The following DNAH1 variants were observed in gnomAD, a reference collection of about 807,000 sequenced individuals.
The protein encoded by DNAH1 is axonemal beta dynein heavy chain 1.
Under a neutral mutation model 484.3 loss-of-function variants are expected in DNAH1, and 327 were observed. The ratio of observed to expected loss-of-function variants is 0.68; its 90% confidence interval spans 0.62 to 0.74. The LOEUF (loss-of-function observed/expected upper bound fraction) is 0.74, where lower values mean the gene tolerates loss of function less well. DNAH1 is among the 30% of genes least tolerant of loss of function. The pLI, the probability that DNAH1 is intolerant of heterozygous loss-of-function variation, is 0.00. For synonymous variants in DNAH1, 2,192 were observed against 2,191.9 expected, an observed-to-expected ratio of 1.00 and a Z score of 0.00; for missense variants, 5,052 against 5,546.8, an observed-to-expected ratio of 0.91 and a Z score of 2.83.
chr3:52,354,956 C>G lies in DNAH1; in HGVS notation c.3594C>G (p.Asp1198Glu). Residue 1198 changes from aspartate to glutamate, a missense_variant, in exon 21 of 78, where the codon GAC (aspartate) becomes GAG (glutamate). Transcript: ENST00000420323. ...KSPDEASQLL[D>E]DHIVMTQNMS... Reference sequence around the variant, plus strand: ...CGGACGAGGCCTCACAGCTGCTGGACGACCACATCGTCATGACCCAGAATA... The same window carrying G: ...CGGACGAGGCCTCACAGCTGCTGGAGGACCACATCGTCATGACCCAGAATA... 6.2e-7 allele frequency: 1 copy of G among 1,614,006 alleles called. No homozygotes were observed. Among genetic ancestry groups the G allele is most frequent in the Non-Finnish European group, 8.5e-7 (1 of 1,179,906 alleles).
intron 6 of DNAH1, among the ~76,000 whole-genome samples, chr3:52,329,815 A>C (rs1169891213): frequency 1.3e-5 from 2 of 149,758 alleles, no homozygotes; most frequent in Non-Finnish European, 3.0e-5. Context: ...ACAGAGTGAG[A>C]CTCCATCTGG....
chr3:52,373,776 T>C (rs1703461784), intron 44 of DNAH1: 1 of 1,420,692 alleles, frequency 7.0e-7, no homozygotes. Flanking sequence ...ACGAGCTGCT[T>C]TAAGTGAAAT....
rs757371106 is a variant in DNAH1 at position 52,392,896 on chromosome 3, G to C, written c.10345G>C (p.Val3449Leu). ...CCTGACGCGCATGGAGTACATACCC[G>C]TGGCCATCCGCACCCAGATCCTCTT... The part of the protein sequence containing the change: ...IDLTRMEYIP[V>L]AIRTQILFFC... The change falls in exon 65 of 78, where the codon GTG (valine) becomes CTG (leucine). Residue 3449 changes from valine to leucine, a missense_variant. By Grantham distance (32) the Val-to-Leu change is conservative. This residue lies in a region of DNAH1 where 2,929 missense variants were observed against 3,409.4 expected (regional missense o/e 0.86). Transcript: ENST00000420323. 6.2e-7 allele frequency: 1 copy of C among 1,608,804 alleles called. No individual in the cohort carries two copies.
In DNAH1 at chr3:52,365,011, A is replaced by G; in HGVS notation, c.5510A>G (p.Asp1837Gly). Residue 1837 changes from aspartate to glycine, a missense_variant, in exon 34 of 78, where the codon GAT (aspartate) becomes GGT (glycine). Around this residue, in one of 4 missense-constraint regions of DNAH1, gnomAD observed 2,929 missense variants for 3,409.4 expected, o/e 0.86. Transcript: ENST00000420323. ...REACRNSNLK[D>G]VEGFLTKCIQ... Reference sequence around the variant, plus strand: ...GCCTGCAGGAACAGCAACCTCAAGGATGTGGAGGGTGAGCCTCGGGCCCTG... The same window carrying G: ...GCCTGCAGGAACAGCAACCTCAAGGGTGTGGAGGGTGAGCCTCGGGCCCTG... 3.1e-6 allele frequency: 5 copies of G among 1,609,226 alleles called. No individual in the cohort carries two copies. Among genetic ancestry groups the G allele is most frequent in the Non-Finnish European group, 4.3e-6 (5 of 1,176,216 alleles).
At position 52,396,999 on chromosome 3, in the gene DNAH1, C is replaced by T. The variant is rs778962199; in HGVS notation, c.11742C>T (p.Ser3914=). Residue 3914 remains serine (S), a synonymous_variant, in exon 73 of 78, where the codon AGC becomes AGT. Coordinates refer to ENST00000420323, the MANE Select transcript of DNAH1 (RefSeq NM_015512.5). ...PDVLSPEHSY[S]ASGIYHQIPP... is the part of the protein sequence containing the mutation. ...TGCTCTCCCCTGAGCACAGCTACAG[C>T]GCCTCGGGCATCTACCACCAGATCC... The T allele has an allele frequency of 7.4e-6, 12 of 1,611,366 alleles. No homozygotes were observed. The highest frequency in any genetic ancestry group is 5.0e-5 in the Admixed American group (3 of 59,696).
At position 52,373,987 on chromosome 3, in the gene DNAH1, A is replaced by G. The variant is rs571676208; in HGVS notation, c.6985+934A>G. ...CACTTATTTATGAATTTTTCTTAAG[A>G]TTTTTAGAGTCTGCAGATTTCCAAT... On this transcript the variant is annotated intron_variant, in intron 44 of 77. Transcript: ENST00000420323. 36 of 1,136,222 alleles carry G rather than the reference A, an allele frequency of 3.2e-5. No individual in the cohort carries two copies. In the African/African-American group the frequency reaches 4.0e-4, roughly 13 times the overall value. The allele number at this position is 1,136,222 out of a possible 1,614,324, so 70.4% of individuals were successfully genotyped here. A position where few individuals can be genotyped will look rare whatever the true frequency, so the allele number is the denominator to read the frequency against.
chr3:52,386,810 A>T lies in DNAH1; in HGVS notation c.8960A>T (p.Gln2987Leu). The T allele has an allele frequency of 1.3e-6, 2 of 1,591,138 alleles. No individual in the cohort carries two copies. The highest frequency in any genetic ancestry group is 2.3e-5 in the South Asian group (2 of 87,212). ...TGGGAGCCTGGCAAGGGGCTGCTGC[A>T]GGACCCGGGCCACTTCCTTGAGAGC... The part of the protein sequence containing the change: ...DYWEPGKGLL[Q>L]DPGHFLESLF... The change falls in exon 56 of 78, where the codon CAG (glutamine) becomes CTG (leucine). Residue 2987 changes from glutamine to leucine, a missense_variant. Physicochemically the swap from Gln to Leu is moderately radical, Grantham distance 113. Transcript: ENST00000420323.
intron 2 of DNAH1, 84 bp downstream of exon 2, chr3:52,322,859 G>C (rs1336862307): frequency 8.3e-7 from 1 of 1,209,250 alleles, no homozygotes. Context: ...CTCCCCATCA[G>C]TCAGTCCATC....
Position 52,378,709 on chromosome 3 carries a change from T to C in DNAH1, c.7306T>C (p.Tyr2436His). 6.2e-7 allele frequency: 1 copy of C among 1,613,746 alleles called. No individual in the cohort carries two copies. Among genetic ancestry groups the C allele is most frequent in the Non-Finnish European group, 8.5e-7 (1 of 1,179,852 alleles). ...QLLPTPAKSHYTFNLRDLSKV... is the reference protein window; with the variant it reads ...QLLPTPAKSHHTFNLRDLSKV... ...GCTGCCCACTCCAGCCAAGTCCCACTACACCTTCAACCTGAGGGACCTCTC... is the reference window on the plus strand; with the variant it reads ...GCTGCCCACTCCAGCCAAGTCCCACCACACCTTCAACCTGAGGGACCTCTC... Residue 2436 changes from tyrosine to histidine, a missense_variant, in exon 47 of 78, where the codon TAC becomes CAC. Around this residue, in one of 4 missense-constraint regions of DNAH1, gnomAD observed 2,929 missense variants for 3,409.4 expected, o/e 0.86. Transcript: ENST00000420323.
At chr3:52,357,141 G>A (rs902290602) in intron 22 of DNAH1, among the ~76,000 whole-genome samples, 1 of 149,376 alleles carries the variant, frequency 6.7e-6, no homozygotes, top group Non-Finnish European at 1.5e-5. Context: ...TTCACCTCCC[G>A]GAGGCTGAGA....
chr3:52,365,625 C>T (rs1703042540), intron 34 of DNAH1, among the ~76,000 whole-genome samples: 1 of 152,164 alleles, frequency 6.6e-6, no homozygotes, highest in African/African-American at 2.4e-5. Flanking sequence ...TCAGTTCATT[C>T]CCAGCCAGCC....
At position 52,396,853 on chromosome 3, in the gene DNAH1, C is replaced by G; in HGVS notation, c.11611-15C>G. On this transcript the variant is annotated splice_polypyrimidine_tract_variant and intron_variant, in intron 72 of 77. Coordinates refer to ENST00000420323, the MANE Select transcript of DNAH1 (RefSeq NM_015512.5). ...ACTGGGCACTTAGGGGAGCCCTCACCCACCCACCCCATAGGTCCTCAAGTA... is the reference window on the plus strand; with the variant it reads ...ACTGGGCACTTAGGGGAGCCCTCACGCACCCACCCCATAGGTCCTCAAGTA... The G allele has an allele frequency of 1.9e-6, 3 of 1,611,852 alleles. No individual in the cohort carries two copies. The highest frequency in any genetic ancestry group is 2.5e-6 in the Non-Finnish European group (3 of 1,178,818).
At chr3:52,347,403 C>T (rs1029180286) in intron 11 of DNAH1, among the ~76,000 whole-genome samples, 1 of 152,156 alleles carries the variant, frequency 6.6e-6, no homozygotes, top group Non-Finnish European at 1.5e-5. Context: ...TTGGGGCCTC[C>T]TGAGGTCTCA....
At position 52,364,496 on chromosome 3, in the gene DNAH1, G is replaced by T. The variant is rs1378989808; in HGVS notation, c.5245-142G>T. On this transcript the variant is annotated intron_variant, in intron 32 of 77. Coordinates refer to ENST00000420323, the MANE Select transcript of DNAH1 (RefSeq NM_015512.5). The surrounding 1 kb of genome is among the most constrained non-coding windows in gnomAD (Gnocchi z 4.2). ...TGCACCTGCCCAGGCTGGGCATGTA[G>T]GTGGTCCCAGCAGGTCTGCAAGGGA... 2.2e-6 allele frequency: 2 copies of T among 914,764 alleles called. No homozygotes were observed. Among genetic ancestry groups the T allele is most frequent in the Non-Finnish European group, 3.5e-6 (2 of 572,588 alleles). The allele number at this position is 914,764 out of a possible 1,614,324, so 56.7% of individuals were successfully genotyped here.
chr3:52,351,650 A>G (rs1328618508), intron 16 of DNAH1, among the ~76,000 whole-genome samples: 3 of 152,194 alleles, frequency 2.0e-5, no homozygotes, highest in Non-Finnish European at 4.4e-5. Flanking sequence ...TAAGAGGGGA[A>G]CTTGGCCTCA....
At chr3:52,399,821 C>T (rs1482632904) in intron 77 of DNAH1, 42 bp downstream of exon 77, 1 of 1,582,964 alleles carries the variant, frequency 6.3e-7, no homozygotes, top group Non-Finnish European at 8.6e-7. Context: ...GGGCGGGGAC[C>T]CAGGACTAAC....
At position 52,375,056 on chromosome 3, in the gene DNAH1, G is replaced by C. The variant is rs576326213; in HGVS notation, c.6986-184G>C. On this transcript the variant is annotated intron_variant, in intron 44 of 77. Coordinates refer to ENST00000420323, the MANE Select transcript of DNAH1 (RefSeq NM_015512.5). ...TTTGAACTTTGTAAAAAAAAAAAAA[G>C]TTAAAGGAGAGGAGCATGAATTTTT... Among the ~76,000 whole-genome samples, 5 of 150,220 alleles carry C rather than the reference G, an allele frequency of 3.3e-5. No homozygotes were observed. In the East Asian group the frequency reaches 9.8e-4, roughly 30 times the overall value.
At chr3:52,400,256 G>A in intron 77 of DNAH1, 69 bp from the exon 78 acceptor site, 1 of 1,595,260 alleles carries the variant, frequency 6.3e-7, no homozygotes, top group South Asian at 1.1e-5. Flanking sequence ...CCACTGCCCT[G>A]CCCCTACGCT....
rs373242535 is a variant in DNAH1, at chr3:52,369,859, C to T, written c.5978C>T (p.Ala1993Val). 1.1e-5 allele frequency: 17 copies of T among 1,612,408 alleles called. No individual in the cohort carries two copies. Among genetic ancestry groups the T allele is most frequent in the African/African-American group, 2.7e-5 (2 of 74,908 alleles). The change falls in exon 38 of 78, where the codon GCG (alanine) becomes GTG (valine). Residue 1993 changes from alanine (A) to valine (V), a missense_variant. Transcript: ENST00000420323. ...ATGATGTTCGAGGTGCAAGACCTGG[C>T]GGTGGCTTCACCAGCTACAGTCTCC... ...MTMMFEVQDL[A>V]VASPATVSRC...
Sources: gnomAD v4.1 joint callset for allele counts (sites outside exome capture counted in the v4.1 genomes callset) on GRCh38, gnomAD v4.1.1 for gene constraint, gnomAD v4.1.1 regional missense constraint, Gnocchi (gnomAD v3.1) non-coding constraint, MANE v1.5 for transcripts, NCBI Gene and HGNC (gene_info 2026-07-23, HGNC 2026-07-21) for gene names.